CFAP95: variants seen among roughly 807,000 people sequenced by gnomAD.
CFAP95 encodes the protein cilia and flagella associated protein 95.
At chr9:69,827,202 TA>T in the CFAP95 span, among the ~76,000 whole-genome samples, 1 of 152,212 alleles carries the variant, frequency 6.6e-6, no homozygotes, top group South Asian at 2.1e-4. Flanking sequence ...TTTAAAGAGA[TA>T]TTTTTATTTC....
At chr9:69,897,615 G>GA in the CFAP95 span, among the ~76,000 whole-genome samples, 1 of 152,096 alleles carries the variant, frequency 6.6e-6, no homozygotes, top group African/African-American at 2.4e-5. Flanking sequence ...CCAGAAGATT[G>GA]AAAAAAATCA....
the CFAP95 span, among the ~76,000 whole-genome samples, chr9:69,829,042 T>C: frequency 6.6e-6 from 1 of 152,220 alleles, no homozygotes; most frequent in Admixed American, 6.5e-5. Flanking sequence ...AATTGTTAGT[T>C]TATGTTGGGT....
At chr9:69,822,930 A>T in the CFAP95 span, among the ~76,000 whole-genome samples, 1 of 152,224 alleles carries the variant, frequency 6.6e-6, no homozygotes, top group Admixed American at 6.5e-5. Context: ...GAGGTAGAGA[A>T]ACAGATTCAA....
At chr9:69,855,831 A>G in the CFAP95 span, among the ~76,000 whole-genome samples, 2 of 152,198 alleles carry the variant, frequency 1.3e-5, no homozygotes, top group African/African-American at 2.4e-5. Flanking sequence ...TTAAAAAACA[A>G]CAACAACAAC....
the CFAP95 span, among the ~76,000 whole-genome samples, chr9:69,902,679 G>GT: frequency 0.01 from 1,454 of 144,926 alleles, 17 homozygotes; most frequent in African/African-American, 0.027. Context: ...TGGTATACCT[G>GT]TTTTTTTTTT....
the CFAP95 span, among the ~76,000 whole-genome samples, chr9:69,827,827 C>A: frequency 6.6e-6 from 1 of 152,174 alleles, no homozygotes; most frequent in African/African-American, 2.4e-5. Context: ...GGTCACCCTG[C>A]AGCCACAGTG....
the CFAP95 span, among the ~76,000 whole-genome samples, chr9:69,905,353 C>T: frequency 6.6e-6 from 1 of 152,080 alleles, no homozygotes; most frequent in Non-Finnish European, 1.5e-5. Flanking sequence ...TTGGTGTAAT[C>T]GGAAAGAATC....
At chr9:69,841,611 C>T in the CFAP95 span, among the ~76,000 whole-genome samples, 37 of 152,166 alleles carry the variant, frequency 2.4e-4, 1 homozygote, top group South Asian at 1.0e-3. Context: ...CCAGATGGGA[C>T]CTGTATTAGT....
the CFAP95 span, among the ~76,000 whole-genome samples, chr9:69,861,296 T>C: frequency 1.3e-5 from 2 of 152,222 alleles, no homozygotes; most frequent in Non-Finnish European, 2.9e-5. Context: ...TTATTTGGCA[T>C]GACTCTATTT....
At chr9:69,894,223 T>C in the CFAP95 span, among the ~76,000 whole-genome samples, 1 of 152,364 alleles carries the variant, frequency 6.6e-6, no homozygotes, top group South Asian at 2.1e-4. Context: ...GTTCTGGTTC[T>C]GAGTCTCATG....
chr9:69,866,037 T>C, the CFAP95 span, among the ~76,000 whole-genome samples: 1 of 152,206 alleles, frequency 6.6e-6, no homozygotes, highest in African/African-American at 2.4e-5. Context: ...TGAGCTGAGA[T>C]AGTTTAATAC....
the CFAP95 span, among the ~76,000 whole-genome samples, chr9:69,878,796 AAG>A: frequency 1.1e-4 from 17 of 152,332 alleles, no homozygotes; most frequent in Admixed American, 2.6e-4. Context: ...TTACAAAGAA[AAG>A]AGGTTTAATT....
the CFAP95 span, among the ~76,000 whole-genome samples, chr9:69,897,029 T>C: frequency 6.6e-6 from 1 of 152,352 alleles, no homozygotes; most frequent in African/African-American, 2.4e-5. Flanking sequence ...GGGGTAATTC[T>C]TCTTTTCCTC....
At chr9:69,833,199 G>A in the CFAP95 span, among the ~76,000 whole-genome samples, 1,042 of 152,042 alleles carry the variant, frequency 6.9e-3, 11 homozygotes, top group Middle Eastern at 0.01. Context: ...CTCAGCCCTC[G>A]AGCCACAGGC....
the CFAP95 span, among the ~76,000 whole-genome samples, chr9:69,879,065 TC>T: frequency 2.0e-5 from 3 of 151,788 alleles, no homozygotes; most frequent in Non-Finnish European, 4.4e-5. Context: ...CCCAAACACC[TC>T]CCCCCAGGCC....
At chr9:69,829,356 C>T in the CFAP95 span, among the ~76,000 whole-genome samples, 3 of 152,122 alleles carry the variant, frequency 2.0e-5, no homozygotes, top group Non-Finnish European at 4.4e-5. Flanking sequence ...GAAAACTGAT[C>T]GTTATAGAAT....
At chr9:69,886,704 G>T in the CFAP95 span, 2 of 631,962 alleles carry the variant, frequency 3.2e-6, no homozygotes, top group Non-Finnish European at 5.5e-6. Flanking sequence ...TGGGACAGTT[G>T]TGGGGTTTTA....
chr9:69,888,020 C>G, the CFAP95 span, among the ~76,000 whole-genome samples: 1 of 152,070 alleles, frequency 6.6e-6, no homozygotes, highest in Non-Finnish European at 1.5e-5. Context: ...AAATATGAAC[C>G]AAAACATGAC....
At chr9:69,889,924 T>G in the CFAP95 span, among the ~76,000 whole-genome samples, 1 of 152,274 alleles carries the variant, frequency 6.6e-6, no homozygotes, top group African/African-American at 2.4e-5. Context: ...CATAAAAATA[T>G]AGAGAAAATT....
Sources: gnomAD v4.1 joint callset for allele counts (sites outside exome capture counted in the v4.1 genomes callset) on GRCh38, gnomAD v4.1.1 for gene constraint, MANE v1.5 for transcripts, NCBI Gene and HGNC (gene_info 2026-07-23, HGNC 2026-07-21) for gene names.